Variants in WASF3 observed in about 807,000 individuals in gnomAD.
WASF3 encodes the protein WASP family member 3, also known as actin-binding protein WASF3.
Under a neutral mutation model 46.6 loss-of-function variants are expected in WASF3, and 11 were observed. The observed-to-expected ratio is 0.24, with a 90% CI of 0.15 to 0.39. The LOEUF is 0.39. Ranked by LOEUF, WASF3 falls within the 10% of genes least tolerant of loss-of-function variation. WASF3 has a pLI of 1.00. For synonymous variants in WASF3, 242 were observed against 259.7 expected (o/e 0.93, Z 0.65); for missense variants, 576 against 669.8 (o/e 0.86, Z 1.55).
At chr13:26,661,168 C>T (rs1306657537) in intron 3 of WASF3, among the ~76,000 whole-genome samples, 5 of 152,210 alleles carry the variant, frequency 3.3e-5, no homozygotes, top group South Asian at 2.1e-4. Context: ...CCAGCATCCA[C>T]GCTGTAGCAA....
At chr13:26,681,515 T>C (rs1165130018) in intron 8 of WASF3, among the ~76,000 whole-genome samples, 195 bp downstream of exon 8, 2 of 152,072 alleles carry the variant, frequency 1.3e-5, no homozygotes, top group Admixed American at 1.3e-4. Flanking sequence ...TACAGTTGAG[T>C]CTCAGGCCAC....
chr13:26,669,465 T>C lies in WASF3; in HGVS notation c.422+1795T>C, dbSNP rs148982359. ...TCACATTTGAACTTAAATATGGCAC[T>C]GTAACAATATTGTCTTAATATAAGA... is the stretch of plus-strand genomic sequence containing the variant. On this transcript the variant is annotated intron_variant, in intron 5 of 9. Transcript: ENST00000335327. Among the ~76,000 whole-genome samples, 22 of 152,198 alleles carry C rather than the reference T, an allele frequency of 1.4e-4. 1 individual carries two copies. In the East Asian group the frequency reaches 4.1e-3, roughly 28 times the overall value.
intron 7 of WASF3, among the ~76,000 whole-genome samples, chr13:26,678,173 T>G (rs1314647969): frequency 6.6e-6 from 1 of 152,198 alleles, no homozygotes; most frequent in Non-Finnish European, 1.5e-5. Flanking sequence ...TCCCATGGCT[T>G]CTTACTATTT....
chr13:26,644,430 G>A (rs117503309), intron 3 of WASF3, among the ~76,000 whole-genome samples: 1,586 of 152,256 alleles, frequency 0.01, 11 homozygotes, highest in Non-Finnish European at 0.016. Flanking sequence ...TGATTGGGCC[G>A]GGGCTGGGAA....
At chr13:26,648,464 G>A (rs139980356) in intron 3 of WASF3, among the ~76,000 whole-genome samples, 29 of 152,262 alleles carry the variant, frequency 1.9e-4, no homozygotes, top group African/African-American at 7.0e-4. Context: ...CATAAGTGCA[G>A]TTCTACTCAG....
At chr13:26,598,323 T>C (rs188556310) in intron 1 of WASF3, among the ~76,000 whole-genome samples, 2 of 152,332 alleles carry the variant, frequency 1.3e-5, no homozygotes, top group Admixed American at 1.3e-4. Context: ...GTTTTTTTCT[T>C]GTAAATTTGT....
Position 26,681,192 on chromosome 13 carries a change from G to A in WASF3, c.855G>A (p.Glu285=), listed in dbSNP as rs752834564. The A allele has an allele frequency of 9.9e-6, 16 of 1,614,112 alleles. No individual in the cohort carries two copies. The highest frequency in any genetic ancestry group is 1.2e-5 in the Non-Finnish European group (14 of 1,180,010). Residue 285 remains glutamate (E), a synonymous_variant, in exon 8 of 10, where the codon GAG becomes GAA. Coordinates refer to ENST00000335327, the MANE Select transcript of WASF3 (RefSeq NM_006646.6). ...HGPASQAAEH[E]YRPPSASARH... ...CTGCAAGCCAGGCTGCGGAGCATGAGTACCGGCCCCCATCTGCCTCGGCGA... is the reference window on the plus strand; with the variant it reads ...CTGCAAGCCAGGCTGCGGAGCATGAATACCGGCCCCCATCTGCCTCGGCGA...
Position 26,673,957 on chromosome 13 carries a change from A to G in WASF3, c.540+1968A>G, listed in dbSNP as rs1882991156. 2.0e-5 allele frequency among the ~76,000 whole-genome samples: 3 copies of G among 152,028 alleles called. No homozygotes were observed. In the South Asian group the frequency reaches 6.2e-4, roughly 32 times the overall value. The stretch of plus-strand genomic sequence containing the variant: ...GTTAGCTCAACAGTGGGAAGGTGCT[A>G]CGGGGAGGCTGGAGAGGTGTGGGGG... On this transcript the variant is annotated intron_variant, in intron 6 of 9. Transcript: ENST00000335327.
chr13:26,579,459 T>C (rs929873557), intron 1 of WASF3, among the ~76,000 whole-genome samples: 1 of 152,294 alleles, frequency 6.6e-6, no homozygotes, highest in East Asian at 1.9e-4. Flanking sequence ...TCTAGACACA[T>C]GTTAAGCTGA....
At chr13:26,569,296 A>G (rs372496162) in intron 1 of WASF3, among the ~76,000 whole-genome samples, 3 of 152,222 alleles carry the variant, frequency 2.0e-5, no homozygotes, top group African/African-American at 7.2e-5. Flanking sequence ...TAATGGCAGA[A>G]TGCACATTCT....
intron 3 of WASF3, among the ~76,000 whole-genome samples, chr13:26,648,426 A>T (rs572085476): frequency 6.6e-6 from 1 of 152,190 alleles, no homozygotes; most frequent in Non-Finnish European, 1.5e-5. Context: ...ATATAATTGG[A>T]TCTGAAATTT....
intron 3 of WASF3, among the ~76,000 whole-genome samples, chr13:26,654,087 C>G (rs910409444): frequency 2.0e-5 from 3 of 152,050 alleles, no homozygotes; most frequent in Non-Finnish European, 2.9e-5. Flanking sequence ...TGTCACTATT[C>G]CGATCCAAGT....
chr13:26,655,181 G>A (rs374119876), intron 3 of WASF3, among the ~76,000 whole-genome samples: 12 of 152,146 alleles, frequency 7.9e-5, no homozygotes, highest in East Asian at 7.7e-4. Context: ...CCTTTAATCT[G>A]AAATAGTTCC....
chr13:26,672,161 C>G (rs1352717036), intron 6 of WASF3, among the ~76,000 whole-genome samples, 172 bp downstream of exon 6: 1 of 152,204 alleles, frequency 6.6e-6, no homozygotes, highest in Non-Finnish European at 1.5e-5. Context: ...GTAATACTAT[C>G]TTCAATAAAT....
At chr13:26,667,745 C>T in intron 5 of WASF3, 75 bp downstream of exon 5, 1 of 1,435,710 alleles carries the variant, frequency 7.0e-7, no homozygotes, top group Non-Finnish European at 9.5e-7. Flanking sequence ...CAAGCTGATG[C>T]ATTGTGTGGG....
At chr13:26,629,729 G>A (rs1207142704) in intron 2 of WASF3, among the ~76,000 whole-genome samples, 1 of 152,118 alleles carries the variant, frequency 6.6e-6, no homozygotes, top group Non-Finnish European at 1.5e-5. Flanking sequence ...GTTCTACTGT[G>A]GTTCAATCTT....
chr13:26,603,957 G>A (rs2137207118), intron 1 of WASF3, among the ~76,000 whole-genome samples: 1 of 152,336 alleles, frequency 6.6e-6, no homozygotes, highest in East Asian at 1.9e-4. Flanking sequence ...TTTCACACTG[G>A]TGATACTCCT....
At chr13:26,675,913 C>G (rs1290596971) in intron 6 of WASF3, among the ~76,000 whole-genome samples, 2 of 152,098 alleles carry the variant, frequency 1.3e-5, no homozygotes, top group African/African-American at 4.8e-5. Flanking sequence ...CTTAGAGGCA[C>G]ACATAGAAAT....
intron 2 of WASF3, chr13:26,619,191 A>T (rs753580761): frequency 6.6e-6 from 1 of 152,244 alleles, no homozygotes; most frequent in Non-Finnish European, 1.5e-5. Flanking sequence ...CATACATGCC[A>T]TACACAACCT....
Sources: allele counts gnomAD v4.1 joint callset (sites outside exome capture counted in the v4.1 genomes callset), GRCh38; gene constraint gnomAD v4.1.1; transcripts MANE v1.5; gene names NCBI Gene and HGNC (gene_info 2026-07-23, HGNC 2026-07-21).